PSMG2: variants seen among roughly 807,000 people sequenced by gnomAD.
PSMG2 encodes the protein CD40 ligand-activated specific transcript 3.
PSMG2 carries 21 observed loss-of-function variants against 31.5 expected under a neutral mutation model. That is an observed-to-expected ratio of 0.67 (90% CI 0.47 to 0.96). The LOEUF (loss-of-function observed/expected upper bound fraction) is 0.96, where lower values mean the gene tolerates loss of function less well. Among genes scored for constraint, PSMG2 ranks in the 40% least tolerant of loss-of-function variants. PSMG2 has a pLI of 0.00. For missense variants in PSMG2, 318 were observed against 321.2 expected, an observed-to-expected ratio of 0.99 and a Z score of 0.08; for synonymous variants, 120 against 110.4, an observed-to-expected ratio of 1.09 and a Z score of -0.54.
intron 1 of PSMG2, chr18:12,697,085 G>A (rs1598661513): frequency 5.2e-6 from 3 of 574,634 alleles, no homozygotes; most frequent in East Asian, 5.8e-5. Context: ...AGGATGCTGA[G>A]GTCCAATTGT....
upstream of PSMG2, chr18:12,699,989 G>T: frequency 2.4e-6 from 2 of 822,452 alleles, no homozygotes; most frequent in Non-Finnish European, 3.7e-6. Context: ...ACTAAGCACT[G>T]AACCTAAAGT....
intron 1 of PSMG2, chr18:12,678,297 C>T (rs1350487083): frequency 6.2e-7 from 1 of 1,614,122 alleles, no homozygotes; most frequent in Admixed American, 1.7e-5. Context: ...AAATCAAATA[C>T]ACAGGTTTCT....
At chr18:12,713,831 C>G (rs1476280834) in intron 3 of PSMG2, among the ~76,000 whole-genome samples, 1 of 151,906 alleles carries the variant, frequency 6.6e-6, no homozygotes, top group Non-Finnish European at 1.5e-5. Flanking sequence ...GTGATCTCAA[C>G]TCACTGCAGC....
intron 1 of PSMG2, chr18:12,674,810 A>AGT (rs1161853842): frequency 9.1e-7 from 1 of 1,098,488 alleles, no homozygotes; most frequent in Non-Finnish European, 1.3e-6. Context: ...TTTAAAACCA[A>AGT]CTAAATAAAA....
chr18:12,680,909 A>C, intron 1 of PSMG2: 3 of 1,297,148 alleles, frequency 2.3e-6, no homozygotes, highest in Admixed American at 2.4e-5. Flanking sequence ...TTATAATAAA[A>C]ATTTATTGGC....
chr18:12,719,540 G>A (rs376862659), intron 4 of PSMG2, among the ~76,000 whole-genome samples: 2 of 149,736 alleles, frequency 1.3e-5, no homozygotes, highest in East Asian at 2.0e-4. Context: ...GGTACCTGCC[G>A]CCACGCCAGA....
intron 1 of PSMG2, among the ~76,000 whole-genome samples, chr18:12,694,453 T>C (rs950260618): frequency 1.3e-5 from 2 of 152,126 alleles, no homozygotes; most frequent in Non-Finnish European, 2.9e-5. Flanking sequence ...AAATCCAATG[T>C]GAAGGAATGA....
chr18:12,696,641 T>C (rs897006481), intron 1 of PSMG2, among the ~76,000 whole-genome samples: 2 of 152,316 alleles, frequency 1.3e-5, no homozygotes, highest in Non-Finnish European at 2.9e-5. Flanking sequence ...TTTTGTTTTC[T>C]CATTTTATTA....
intron 1 of PSMG2, among the ~76,000 whole-genome samples, chr18:12,690,229 C>G (rs2039702455): frequency 6.6e-6 from 1 of 152,218 alleles, no homozygotes; most frequent in Non-Finnish European, 1.5e-5. Context: ...TCTAGTCAAC[C>G]TCTCATTCCC....
chr18:12,692,973 C>T (rs1007200586), intron 1 of PSMG2, among the ~76,000 whole-genome samples: 2 of 152,194 alleles, frequency 1.3e-5, no homozygotes, highest in African/African-American at 4.8e-5. Flanking sequence ...CAGGAATGCA[C>T]CACCATGTGC....
rs1010484998 is a variant in PSMG2 at position 12,688,730 on chromosome 18, T to C, written c.-36-17820T>C. On this transcript the variant is annotated intron_variant, in intron 1 of 6. Transcript: ENST00000585331. ...TAATTAAAATTTAAAATTCAATTAT[T>C]TTTAGTCATAATAGCCACATTTTGA... Among the ~76,000 whole-genome samples the C allele has an allele frequency of 8.5e-5, 13 of 152,290 alleles. No individual in the cohort carries two copies. In the South Asian group the frequency reaches 2.3e-3, roughly 27 times the overall value.
intron 1 of PSMG2, among the ~76,000 whole-genome samples, chr18:12,679,892 A>C (rs1359907788): frequency 6.6e-6 from 1 of 151,956 alleles, no homozygotes; most frequent in African/African-American, 2.4e-5. Context: ...GCAAAAGCTC[A>C]TCCCTACAAA....
upstream of PSMG2, chr18:12,700,932 AT>A (rs762725284): frequency 1.3e-6 from 2 of 1,591,774 alleles, no homozygotes; most frequent in East Asian, 2.2e-5. Context: ...ATATACTCTC[AT>A]TTATTTCCCT....
chr18:12,720,747 C>T (rs2040423146), intron 5 of PSMG2, 64 bp downstream of exon 5: 1 of 1,489,794 alleles, frequency 6.7e-7, no homozygotes, highest in Non-Finnish European at 9.1e-7. Flanking sequence ...ATGCAGTGAG[C>T]TGAGATCGTG....
At chr18:12,720,813 C>CA in intron 5 of PSMG2, 130 bp downstream of exon 5, 1 of 933,510 alleles carries the variant, frequency 1.1e-6, no homozygotes, top group Non-Finnish European at 1.5e-6. Context: ...CAAAAAACAA[C>CA]AACAAAAAAA....
At chr18:12,693,942 C>T (rs1055216212) in intron 1 of PSMG2, among the ~76,000 whole-genome samples, 3 of 152,062 alleles carry the variant, frequency 2.0e-5, no homozygotes, top group African/African-American at 7.2e-5. Flanking sequence ...AGCAATCCTC[C>T]CATTTCAGCT....
At chr18:12,702,991 G>A (rs1018688390), upstream of PSMG2, 24 of 1,180,028 alleles carry the variant, frequency 2.0e-5, no homozygotes, top group Non-Finnish European at 2.8e-5. Flanking sequence ...GGCGCCCAGG[G>A]ACTCAAAGGA....
At chr18:12,702,562 G>T, upstream of PSMG2, 2 of 1,560,182 alleles carry the variant, frequency 1.3e-6, no homozygotes, top group East Asian at 2.4e-5. Flanking sequence ...GGCAGCCGGC[G>T]TCTCCCCGCC....
intron 1 of PSMG2, among the ~76,000 whole-genome samples, chr18:12,690,707 G>A (rs1004348370): frequency 6.6e-6 from 1 of 151,930 alleles, no homozygotes; most frequent in African/African-American, 2.4e-5. Flanking sequence ...CACCCACCTC[G>A]GCCTCCCCAA....
Sources: gnomAD v4.1 joint callset for allele counts (sites outside exome capture counted in the v4.1 genomes callset) on GRCh38, gnomAD v4.1.1 for gene constraint, MANE v1.5 for transcripts, NCBI Gene and HGNC (gene_info 2026-07-23, HGNC 2026-07-21) for gene names.